PDCD11: variants seen among roughly 807,000 people sequenced by gnomAD.
The protein encoded by PDCD11 is programmed cell death 11.
A neutral mutation model predicts 198.9 loss-of-function variants in PDCD11; 97 were observed. The ratio of observed to expected loss-of-function variants is 0.49; its 90% CI spans 0.41 to 0.58. The LOEUF (loss-of-function observed/expected upper bound fraction) is 0.58. Ranked by LOEUF, PDCD11 falls within the 20% of genes least tolerant of loss-of-function variation. The probability of loss-of-function intolerance (pLI) is 0.00; values close to 1 mark genes in which losing one functional copy is unlikely to be tolerated. For missense variants in PDCD11, 2,102 were observed against 2,312.7 expected (o/e 0.91, Z 1.87); for synonymous variants, 893 against 918.0 (o/e 0.97, Z 0.49).
At position 103,423,664 on chromosome 10, in the gene PDCD11, C is replaced by T. The variant is rs373807822; in HGVS notation, c.2763+6C>T. Reference sequence around the variant, plus strand: ...TGAATAGAAAAGCTAGAAAGGTAAGCTTGCTCCTGACTTCCATTTCCATGG... The same window carrying T: ...TGAATAGAAAAGCTAGAAAGGTAAGTTTGCTCCTGACTTCCATTTCCATGG... On this transcript the variant is annotated splice_donor_region_variant and intron_variant, in intron 19 of 35. Transcript: ENST00000369797. 1 of 1,569,238 alleles carries T rather than the reference C, an allele frequency of 6.4e-7. No homozygotes were observed. Among genetic ancestry groups the T allele is most frequent in the Non-Finnish European group, 8.8e-7 (1 of 1,139,042 alleles).
At chr10:103,420,643 C>G (rs1339484973) in intron 16 of PDCD11, among the ~76,000 whole-genome samples, 2 of 152,038 alleles carry the variant, frequency 1.3e-5, no homozygotes, top group Non-Finnish European at 2.9e-5. Context: ...AGGCCTGTCT[C>G]CCTGGTGTTT....
At chr10:103,397,630 C>T (rs2093443993) in intron 1 of PDCD11, among the ~76,000 whole-genome samples, 1 of 152,238 alleles carries the variant, frequency 6.6e-6, no homozygotes, top group South Asian at 2.1e-4. Context: ...GACGGGGTTT[C>T]GCCATGTTGA....
chr10:103,411,523 G>A (rs368296213), intron 8 of PDCD11, among the ~76,000 whole-genome samples: 50 of 151,934 alleles, frequency 3.3e-4, no homozygotes, highest in East Asian at 2.7e-3. Context: ...ATGCCACCAC[G>A]CCCAGCTAAT....
chr10:103,411,808 T>C (rs578116094), intron 8 of PDCD11, among the ~76,000 whole-genome samples: 30 of 152,282 alleles, frequency 2.0e-4, no homozygotes, highest in African/African-American at 7.2e-4. Flanking sequence ...TGTATAGAGT[T>C]GAGACATTTT....
Position 103,421,176 on chromosome 10 carries a change from T to C in PDCD11, c.2278-172T>C, listed in dbSNP as rs150071734. On this transcript the variant is annotated intron_variant, in intron 16 of 35. Transcript: ENST00000369797. ...GGCGTGAGCCACTGCTCCCAGCCAA[T>C]CCGGAGGCTCTGTTTTTATGGAAGG... 9.9e-5 allele frequency among the ~76,000 whole-genome samples: 15 copies of C among 152,164 alleles called. No homozygotes were observed. In the East Asian group the frequency reaches 2.9e-3, roughly 29 times the overall value.
At position 103,416,623 on chromosome 10, in the gene PDCD11, A is replaced by G. The variant is rs1269760711; in HGVS notation, c.1651A>G (p.Arg551Gly). The change falls in exon 13 of 36, where the codon AGG becomes GGG. Residue 551 changes from arginine to glycine, a missense_variant. By Grantham distance (125) the Arg-to-Gly change is moderately radical. Coordinates refer to ENST00000369797, the MANE Select transcript of PDCD11 (RefSeq NM_014976.2). ...PGLQTHGFIIRVKDYGCIVKF... is the reference protein window; with the variant it reads ...PGLQTHGFIIGVKDYGCIVKF... ...TCTGCAGACACATGGCTTCATCATC[A>G]GGGTCAAGGACTATGGCTGCATTGT... 1.2e-6 allele frequency: 2 copies of G among 1,614,122 alleles called. No homozygotes were observed. The highest frequency in any genetic ancestry group is 1.3e-5 in the African/African-American group (1 of 74,942).
At chr10:103,433,540 C>T (rs774985447) in intron 22 of PDCD11, among the ~76,000 whole-genome samples, 3 of 152,142 alleles carry the variant, frequency 2.0e-5, no homozygotes, top group Non-Finnish European at 4.4e-5. Context: ...GGGCAAGACA[C>T]TGCATAAACA....
intron 12 of PDCD11, among the ~76,000 whole-genome samples, chr10:103,415,437 G>A (rs1592122446): frequency 6.6e-6 from 1 of 152,190 alleles, no homozygotes; most frequent in African/African-American, 2.4e-5. Context: ...AGGTGAGGGT[G>A]GGCTGGAGCA....
rs1281863772 is a variant in PDCD11 at position 103,427,351 on chromosome 10, A to C, written c.3328A>C (p.Arg1110=). The change falls in exon 21 of 36, where the codon AGA becomes CGA. Residue 1110 remains arginine, a synonymous_variant. Coordinates refer to ENST00000369797, the MANE Select transcript of PDCD11 (RefSeq NM_014976.2). ...TFKYLPISHP[R]FVRTIPELSV... The stretch of plus-strand genomic sequence containing the variant: ...CAGGTATCTCCCAATAAGTCACCCC[A>C]GATTCGTTCGAACCATCCCGGAGCT... 3 of 1,613,410 alleles carry C rather than the reference A, an allele frequency of 1.9e-6. No individual in the cohort carries two copies. Among genetic ancestry groups the C allele is most frequent in the Non-Finnish European group, 2.5e-6 (3 of 1,179,690 alleles).
chr10:103,441,704 G>A, intron 30 of PDCD11, 122 bp from the exon 31 acceptor site: 1 of 836,488 alleles, frequency 1.2e-6, no homozygotes, highest in Non-Finnish European at 1.9e-6. Flanking sequence ...TAGGAGGAGA[G>A]GAGAGGAGAG....
chr10:103,434,415 C>G, intron 24 of PDCD11, 65 bp downstream of exon 24: 1 of 1,038,668 alleles, frequency 9.6e-7, no homozygotes, highest in Non-Finnish European at 1.5e-6. Context: ...GATGGGTTTT[C>G]AGCTATTGCT....
chr10:103,445,099 A>G (rs1592145616), intron 35 of PDCD11, among the ~76,000 whole-genome samples: 1 of 152,128 alleles, frequency 6.6e-6, no homozygotes, highest in East Asian at 1.9e-4. Context: ...TGTGTCCCCC[A>G]TCCCAGTAGC....
At chr10:103,397,163 T>C (rs1210715048) in intron 1 of PDCD11, among the ~76,000 whole-genome samples, 2 of 151,834 alleles carry the variant, frequency 1.3e-5, no homozygotes, top group African/African-American at 4.8e-5. Flanking sequence ...TTTTCACTTA[T>C]ACCCAGTTCT....
In PDCD11 at chr10:103,403,240, C is replaced by T. The variant is rs183788679; in HGVS notation, c.357C>T (p.Tyr119=). The T allele has an allele frequency of 1.2e-6, 2 of 1,614,156 alleles. No homozygotes were observed. Among genetic ancestry groups the T allele is most frequent in the Admixed American group, 1.7e-5 (1 of 60,010 alleles). The change falls in exon 4 of 36, where the codon TAC becomes TAT. Residue 119 remains tyrosine, a synonymous_variant. Transcript: ENST00000369797. ...AAGTCACTGAAATCTGTGATGCCTA[C>T]ACCAAAAAGCTGAATGAGCAGGTGA... ...FVQVTEICDA[Y]TKKLNEQVTQ... is the part of the protein sequence containing the mutation.
chr10:103,401,704 A>G (rs2030076083), intron 3 of PDCD11, among the ~76,000 whole-genome samples: 1 of 152,228 alleles, frequency 6.6e-6, no homozygotes, highest in Admixed American at 6.5e-5. Context: ...TACTTTAAAA[A>G]AATTGTTAGA....
intron 7 of PDCD11, among the ~76,000 whole-genome samples, chr10:103,407,829 CT>C (rs1182335099): frequency 6.6e-6 from 1 of 152,044 alleles, no homozygotes; most frequent in Admixed American, 6.5e-5. Context: ...AGCGATCCCC[CT>C]GCCTCAGCCT....
chr10:103,440,311 G>C lies in PDCD11; in HGVS notation c.4170G>C (p.Leu1390=). The change falls in exon 29 of 36, where the codon CTG becomes CTC. Residue 1390 remains leucine, a synonymous_variant. Coordinates refer to ENST00000369797, the MANE Select transcript of PDCD11 (RefSeq NM_014976.2). ...RVLRLNHQKN[L]VELSFLPGDT... Reference sequence around the variant, plus strand: ...ATAGCCTTAACCACCAGAAGAACCTGGTAGAGCTGTCTTTCCTCCCCGGAG... The same window carrying C: ...ATAGCCTTAACCACCAGAAGAACCTCGTAGAGCTGTCTTTCCTCCCCGGAG... 17 of 1,613,852 alleles carry C rather than the reference G, an allele frequency of 1.1e-5. No homozygotes were observed. The highest frequency in any genetic ancestry group is 1.4e-5 in the Non-Finnish European group (16 of 1,179,896).
chr10:103,417,738 G>A, intron 13 of PDCD11, 54 bp from the exon 14 acceptor site: 1 of 1,591,842 alleles, frequency 6.3e-7, no homozygotes, highest in Non-Finnish European at 8.6e-7. Flanking sequence ...CACGTTGCAG[G>A]GCCTGCAAGG....
rs981255149 is a variant in PDCD11 at position 103,417,684 on chromosome 10, A to C, written c.1771-108A>C. Reference sequence around the variant, plus strand: ...TTCACTGCCTCCTGATCTGATCCAAAGGCTCGGTAGATCTCCCAAGTCCTC... The same window carrying C: ...TTCACTGCCTCCTGATCTGATCCAACGGCTCGGTAGATCTCCCAAGTCCTC... On this transcript the variant is annotated intron_variant, in intron 13 of 35. Coordinates refer to ENST00000369797, the MANE Select transcript of PDCD11 (RefSeq NM_014976.2). The C allele has an allele frequency of 2.8e-5, 34 of 1,195,052 alleles. 1 individual carries two copies. The highest frequency in any genetic ancestry group is 3.7e-5 in the Non-Finnish European group (31 of 838,992). 74.0% of individuals were successfully genotyped at this position (1,195,052 alleles called of 1,614,324 possible). A position where few individuals can be genotyped will look rare whatever the true frequency, so the allele number is the denominator to read the frequency against.
Sources: gnomAD v4.1 joint callset for allele counts (sites outside exome capture counted in the v4.1 genomes callset) on GRCh38, gnomAD v4.1.1 for gene constraint, MANE v1.5 for transcripts, NCBI Gene and HGNC (gene_info 2026-07-23, HGNC 2026-07-21) for gene names.